Variants in LTBP1 observed in about 807,000 individuals in gnomAD.
LTBP1 encodes latent transforming growth factor beta binding protein 1.
A neutral mutation model predicts 207.6 loss-of-function variants in LTBP1; 129 were observed. That is an observed-to-expected ratio of 0.62 (90% CI 0.54 to 0.72). The LOEUF (loss-of-function observed/expected upper bound fraction) is 0.72. LTBP1 is among the 30% of genes least tolerant of loss of function. The pLI, the probability that LTBP1 is intolerant of heterozygous loss-of-function variation, is 0.00. For missense variants in LTBP1, 2,281 were observed against 2,217.2 expected, an observed-to-expected ratio of 1.03 and a Z score of -0.58; for synonymous variants, 963 against 833.7, an observed-to-expected ratio of 1.16 and a Z score of -2.67.
chr2:33,361,907 G>C (rs565022905), intron 28 of LTBP1, among the ~76,000 whole-genome samples: 1 of 152,186 alleles, frequency 6.6e-6, no homozygotes, highest in African/African-American at 2.4e-5. Flanking sequence ...TTTGACCACT[G>C]TTTGTCTTTA....
intron 22 of LTBP1, among the ~76,000 whole-genome samples, chr2:33,303,880 T>C (rs927339150): frequency 2.6e-5 from 4 of 152,176 alleles, no homozygotes; most frequent in African/African-American, 9.7e-5. Context: ...ACCCCTGTGC[T>C]AGGGCACTAA....
chr2:33,257,481 G>A lies in LTBP1; in HGVS notation c.2365G>A (p.Glu789Lys). ...EPVEALTFSR[E>K]HGPGVAEPEV... ...AGTGGAGGCCCTGACCTTCTCCCGGGAACACGGGCCAGGAGTGGCGGAGCC... is the reference window on the plus strand; with the variant it reads ...AGTGGAGGCCCTGACCTTCTCCCGGAAACACGGGCCAGGAGTGGCGGAGCC... The change falls in exon 12 of 34, where the codon GAA (glutamate) becomes AAA (lysine). Residue 789 changes from glutamate to lysine, a missense_variant. Around this residue, in one of 3 missense-constraint regions of LTBP1, gnomAD observed 1,671 missense variants for 1,634.8 expected, o/e 1.02. Transcript: ENST00000404816. 2 of 1,614,154 alleles carry A rather than the reference G, an allele frequency of 1.2e-6. No homozygotes were observed. Among genetic ancestry groups the A allele is most frequent in the Non-Finnish European group, 1.7e-6 (2 of 1,179,996 alleles).
At chr2:33,070,816 G>C (rs942682968) in intron 3 of LTBP1, among the ~76,000 whole-genome samples, 1 of 152,144 alleles carries the variant, frequency 6.6e-6, no homozygotes, top group East Asian at 1.9e-4. Context: ...ACTGTGGCGT[G>C]GGGGAGTAAC....
At chr2:33,056,299 A>T (rs1164108785) in intron 3 of LTBP1, 3 of 823,134 alleles carry the variant, frequency 3.6e-6, no homozygotes, top group Non-Finnish European at 5.2e-6. Flanking sequence ...TGAAAGACAA[A>T]ACCGCCTGCA....
chr2:33,286,551 A>G (rs548761379), intron 19 of LTBP1, among the ~76,000 whole-genome samples: 102 of 152,332 alleles, frequency 6.7e-4, no homozygotes, highest in African/African-American at 2.3e-3. Context: ...TTTTATGTGC[A>G]AACATTAGCT....
chr2:33,224,410 A>G (rs906947536), intron 9 of LTBP1, among the ~76,000 whole-genome samples: 2 of 152,186 alleles, frequency 1.3e-5, no homozygotes, highest in Non-Finnish European at 2.9e-5. Flanking sequence ...AAATATACAT[A>G]TGTTCTCTTG....
intron 19 of LTBP1, chr2:33,291,816 G>A (rs1316899312): frequency 6.6e-6 from 1 of 152,200 alleles, no homozygotes; most frequent in Non-Finnish European, 1.5e-5. Context: ...TTAATACAGT[G>A]CAAATGCATG....
At chr2:33,378,350 C>T (rs747564371) in intron 31 of LTBP1, among the ~76,000 whole-genome samples, 13 of 151,842 alleles carry the variant, frequency 8.6e-5, no homozygotes, top group East Asian at 1.9e-4. Context: ...CACAGCCTCC[C>T]GAGTAGCTGG....
At chr2:33,197,217 G>A (rs1028805385) in intron 7 of LTBP1, among the ~76,000 whole-genome samples, 44 of 152,188 alleles carry the variant, frequency 2.9e-4, no homozygotes, top group African/African-American at 1.0e-3. Context: ...ACTATATAGG[G>A]TGACAGACAG....
chr2:33,203,066 A>G, intron 7 of LTBP1, among the ~76,000 whole-genome samples: 1 of 91,222 alleles, frequency 1.1e-5, no homozygotes, highest in South Asian at 3.0e-4. Flanking sequence ...ATTGAGTGTT[A>G]CTGAGTCTCT....
At chr2:33,215,689 A>G (rs960549643) in intron 7 of LTBP1, among the ~76,000 whole-genome samples, 4 of 147,098 alleles carry the variant, frequency 2.7e-5, no homozygotes, top group Non-Finnish European at 6.0e-5. Context: ...TGGGGTATGG[A>G]TGCTAAACTT....
chr2:33,190,193 T>C (rs1162782686), intron 7 of LTBP1, among the ~76,000 whole-genome samples: 2 of 152,220 alleles, frequency 1.3e-5, no homozygotes, highest in African/African-American at 2.4e-5. Context: ...CGTTGGTTCC[T>C]CCACTCCATT....
chr2:33,175,320 A>G lies in LTBP1; in HGVS notation c.1202-11536A>G, dbSNP rs535274951. Among the ~76,000 whole-genome samples the G allele has an allele frequency of 2.1e-3, 313 of 152,140 alleles. 5 individuals carry two copies. The highest frequency in any genetic ancestry group is 4.7e-4 in the Non-Finnish European group (32 of 68,004). ...TCAAACAAATTTACAAGAAAAAAACAACCCCATCAAAAAGTGGGCGAAGGA... is the reference window on the plus strand; with the variant it reads ...TCAAACAAATTTACAAGAAAAAAACGACCCCATCAAAAAGTGGGCGAAGGA... On this transcript the variant is annotated intron_variant, in intron 5 of 33. Coordinates refer to ENST00000404816, the MANE Select transcript of LTBP1 (RefSeq NM_206943.4).
chr2:33,056,216 G>A (rs533809717), intron 3 of LTBP1: 98 of 332,150 alleles, frequency 3.0e-4, no homozygotes, highest in Non-Finnish European at 2.9e-4. Flanking sequence ...TTCAGGGTTT[G>A]TGGGTCGAAT....
chr2:33,207,261 C>T (rs776559714), intron 7 of LTBP1, among the ~76,000 whole-genome samples: 1 of 152,004 alleles, frequency 6.6e-6, no homozygotes, highest in African/African-American at 2.4e-5. Context: ...TTTAAAATAC[C>T]GTTTCATAAA....
Position 33,188,691 on chromosome 2 carries a change from C to G in LTBP1, c.1541C>G (p.Ala514Gly). The G allele has an allele frequency of 1.2e-6, 2 of 1,614,144 alleles. No individual in the cohort carries two copies. The highest frequency in any genetic ancestry group is 1.7e-6 in the Non-Finnish European group (2 of 1,180,028). Residue 514 changes from alanine to glycine, a missense_variant, in exon 7 of 34, where the codon GCT becomes GGT. Ala to Gly is a moderately conservative substitution (Grantham distance 60). Coordinates refer to ENST00000404816, the MANE Select transcript of LTBP1 (RefSeq NM_206943.4). ...CCAACAGGCCAGAAGACAAAAGAAG[C>G]TCAACCAGGCCAATCCCAAGTCTCG... ...DGPTGQKTKE[A>G]QPGQSQVSYQ...
Position 32,947,776 on chromosome 2 carries a change from G to C in LTBP1, c.452G>C (p.Gly151Ala). The change falls in exon 1 of 34, where the codon GGA becomes GCA. Residue 151 changes from glycine (G) to alanine (A), a missense_variant. Transcript: ENST00000404816. ...GTGCCGCAGGAGACCCAGAGCGGCG[G>C]AGGCTCTAGGCTGCAGGTTCACCAG... ...SKVPQETQSGGGSRLQVHQKQ... is the reference protein window; with the variant it reads ...SKVPQETQSGAGSRLQVHQKQ... The C allele has an allele frequency of 2.0e-6, 3 of 1,514,608 alleles. No homozygotes were observed. Among genetic ancestry groups the C allele is most frequent in the Non-Finnish European group, 2.7e-6 (3 of 1,129,292 alleles). 93.8% of individuals were successfully genotyped at this position (1,514,608 alleles called of 1,614,324 possible).
intron 2 of LTBP1, among the ~76,000 whole-genome samples, chr2:32,976,179 G>T (rs79981998): frequency 0.031 from 4,760 of 152,278 alleles, 244 homozygotes; most frequent in African/African-American, 0.11. Context: ...CTCTAATTCT[G>T]TGGGGCTGGT....
chr2:33,293,217 A>G lies in LTBP1; in HGVS notation c.3170A>G (p.Glu1057Gly). Residue 1057 changes from glutamate to glycine, a missense_variant, in exon 20 of 34, where the codon GAA (glutamate) becomes GGA (glycine). Physicochemically the swap from Glu to Gly is moderately conservative, Grantham distance 98 (BLOSUM62 -2). Coordinates refer to ENST00000404816, the MANE Select transcript of LTBP1 (RefSeq NM_206943.4). ...GCAAATGGTGATTGTTCCAACCTTG[A>G]AGGCTCCTACATGTGTTCATGCCAC... ...VCANGDCSNL[E>G]GSYMCSCHKG... is the part of the protein sequence containing the mutation. 2 of 1,614,104 alleles carry G rather than the reference A, an allele frequency of 1.2e-6. No individual in the cohort carries two copies. Among genetic ancestry groups the G allele is most frequent in the Non-Finnish European group, 1.7e-6 (2 of 1,179,982 alleles).
Sources: gnomAD v4.1 joint callset for allele counts (sites outside exome capture counted in the v4.1 genomes callset) on GRCh38, gnomAD v4.1.1 for gene constraint, gnomAD v4.1.1 regional missense constraint, MANE v1.5 for transcripts, NCBI Gene and HGNC (gene_info 2026-07-23, HGNC 2026-07-21) for gene names.